Variants in FLACC1 observed in about 807,000 individuals in gnomAD.
FLACC1 encodes flagellum-associated coiled-coil domain-containing protein 1.
FLACC1 carries 66 observed loss-of-function variants against 62.8 expected under a neutral mutation model. That is an observed-to-expected ratio of 1.05 (90% confidence interval 0.86 to 1.29). The LOEUF is 1.29. Ranked by LOEUF, FLACC1 falls within the 50% of genes most tolerant of loss-of-function variation. FLACC1 has a pLI of 0.00. For synonymous variants in FLACC1, 156 were observed against 161.0 expected, an observed-to-expected ratio of 0.97 and a Z score of 0.24; for missense variants, 452 against 489.1, an observed-to-expected ratio of 0.92 and a Z score of 0.71.
intron 9 of FLACC1, among the ~76,000 whole-genome samples, chr2:201,329,221 T>C (rs945225153): frequency 2.0e-5 from 3 of 152,040 alleles, no homozygotes; most frequent in African/African-American, 4.8e-5. Context: ...ATCAGAGAAA[T>C]GCAAATCAAA....
intron 12 of FLACC1, among the ~76,000 whole-genome samples, chr2:201,290,553 G>A (rs1949709718): frequency 6.6e-6 from 1 of 152,164 alleles, no homozygotes; most frequent in Non-Finnish European, 1.5e-5. Flanking sequence ...CAGGGGTGGA[G>A]CCAAGACAGC....
chr2:201,336,366 T>TG (rs1170405770), intron 7 of FLACC1, among the ~76,000 whole-genome samples: 3 of 152,370 alleles, frequency 2.0e-5, no homozygotes, highest in South Asian at 4.1e-4. Flanking sequence ...TGTGTAGTAT[T>TG]GTATGGTGTA....
At chr2:201,354,776 G>A (rs916707634) in intron 1 of FLACC1, among the ~76,000 whole-genome samples, 1 of 152,212 alleles carries the variant, frequency 6.6e-6, no homozygotes, top group African/African-American at 2.4e-5. Flanking sequence ...AGTCCATGGG[G>A]CAAGAAGTGA....
At chr2:201,294,861 A>G (rs903921114) in intron 12 of FLACC1, among the ~76,000 whole-genome samples, 4 of 152,192 alleles carry the variant, frequency 2.6e-5, no homozygotes, top group South Asian at 2.1e-4. Flanking sequence ...AATCACAAGC[A>G]TTCCTATACA....
chr2:201,305,434 A>G (rs1950082428), intron 11 of FLACC1, among the ~76,000 whole-genome samples: 1 of 152,192 alleles, frequency 6.6e-6, no homozygotes, highest in Admixed American at 6.5e-5. Flanking sequence ...TCAGGAAACA[A>G]CAGGTGCTGG....
At chr2:201,300,852 A>G (rs989603362) in intron 11 of FLACC1, among the ~76,000 whole-genome samples, 11 of 152,218 alleles carry the variant, frequency 7.2e-5, no homozygotes, top group Non-Finnish European at 1.6e-4. Flanking sequence ...ACAGACCTGC[A>G]GCTGAGGGTC....
chr2:201,315,241 C>G (rs536728876), intron 9 of FLACC1, among the ~76,000 whole-genome samples: 1 of 152,150 alleles, frequency 6.6e-6, no homozygotes, highest in Admixed American at 6.5e-5. Context: ...CCTAAATGCT[C>G]TACTTAAAAG....
intron 9 of FLACC1, among the ~76,000 whole-genome samples, chr2:201,323,809 G>T (rs59933104): frequency 0.063 from 4,659 of 73,500 alleles, 280 homozygotes; most frequent in African/African-American, 0.11. Flanking sequence ...AAAAAGTAAG[G>T]AAGGAAGGAA....
At chr2:201,320,160 T>C (rs963305939) in intron 9 of FLACC1, among the ~76,000 whole-genome samples, 3 of 152,252 alleles carry the variant, frequency 2.0e-5, no homozygotes, top group African/African-American at 7.2e-5. Flanking sequence ...AGCCATTTCT[T>C]ACTGTTCCTC....
chr2:201,313,926 G>C (rs940073095), intron 9 of FLACC1, among the ~76,000 whole-genome samples: 1 of 152,304 alleles, frequency 6.6e-6, no homozygotes, highest in Middle Eastern at 3.4e-3. Context: ...CTGGAACCTG[G>C]TAGGACTGCT....
At chr2:201,337,587 G>A (rs1451651279) in intron 7 of FLACC1, among the ~76,000 whole-genome samples, 1 of 152,162 alleles carries the variant, frequency 6.6e-6, no homozygotes, top group Non-Finnish European at 1.5e-5. Context: ...GCAGTAGCAT[G>A]ATCATAGCTC....
chr2:201,323,784 C>CAAAAAAAAAAAAAAAAAAAA (rs71022362), intron 9 of FLACC1, among the ~76,000 whole-genome samples: 15 of 52,760 alleles, frequency 2.8e-4, no homozygotes, highest in East Asian at 1.1e-3. Context: ...CAGACTCTAT[C>CAAAAAAAAAAAAAAAAAAAA]AAAAAAAAAA....
chr2:201,291,835 C>T (rs1485224880), intron 12 of FLACC1, among the ~76,000 whole-genome samples: 1 of 152,098 alleles, frequency 6.6e-6, no homozygotes, highest in Non-Finnish European at 1.5e-5. Context: ...CCTTAAAGGA[C>T]CTGATGGAGC....
chr2:201,309,261 A>G lies in FLACC1; in HGVS notation c.676-11T>C. On this transcript the variant is annotated splice_polypyrimidine_tract_variant and intron_variant, in intron 9 of 14. Coordinates refer to ENST00000392257, the MANE Select transcript of FLACC1 (RefSeq NM_001127391.3). Reference sequence around the variant, plus strand: ...ATCATAAATACTGTCCTGGGGAGGTACAAAGGCACCATGAAGAAAAGAGTC... The same window carrying G: ...ATCATAAATACTGTCCTGGGGAGGTGCAAAGGCACCATGAAGAAAAGAGTC... 1 of 1,597,644 alleles carries G rather than the reference A, an allele frequency of 6.3e-7. No individual in the cohort carries two copies.
chr2:201,292,976 C>A (rs1949772455), intron 12 of FLACC1, among the ~76,000 whole-genome samples: 1 of 152,154 alleles, frequency 6.6e-6, no homozygotes, highest in Non-Finnish European at 1.5e-5. Context: ...AGCTAACTAT[C>A]CTAAATATAT....
At chr2:201,298,926 G>A (rs1179077224) in intron 12 of FLACC1, among the ~76,000 whole-genome samples, 1 of 152,220 alleles carries the variant, frequency 6.6e-6, no homozygotes, top group Non-Finnish European at 1.5e-5. Context: ...GAAGAACTTG[G>A]TGTTTTATAA....
intron 1 of FLACC1, among the ~76,000 whole-genome samples, chr2:201,355,681 G>A (rs1487883407): frequency 6.6e-6 from 1 of 151,884 alleles, no homozygotes; most frequent in African/African-American, 2.4e-5. Context: ...GAAACATATC[G>A]AGACTCTGTA....
At chr2:201,332,139 T>C (rs1056569568) in intron 7 of FLACC1, among the ~76,000 whole-genome samples, 1 of 152,124 alleles carries the variant, frequency 6.6e-6, no homozygotes, top group Non-Finnish European at 1.5e-5. Flanking sequence ...TGATAACTTA[T>C]AATTATATAT....
At chr2:201,364,256 G>A in the FLACC1 span, among the ~76,000 whole-genome samples, 2 of 152,042 alleles carry the variant, frequency 1.3e-5, no homozygotes, top group Non-Finnish European at 2.9e-5. Flanking sequence ...TCCCTAGAGA[G>A]GGGGGAAAAG....
Sources: gnomAD v4.1 joint callset for allele counts (sites outside exome capture counted in the v4.1 genomes callset) on GRCh38, gnomAD v4.1.1 for gene constraint, MANE v1.5 for transcripts, NCBI Gene and HGNC (gene_info 2026-07-23, HGNC 2026-07-21) for gene names.